Variants in DCUN1D5 observed in about 807,000 individuals in gnomAD.
The protein encoded by DCUN1D5 is defective in cullin neddylation 1 domain containing 5.
Under a neutral mutation model 38.3 loss-of-function variants are expected in DCUN1D5, and 10 were observed. The observed-to-expected ratio is 0.26, with a 90% CI of 0.16 to 0.44. The LOEUF (loss-of-function observed/expected upper bound fraction) is 0.44, where lower values mean the gene tolerates loss of function less well. DCUN1D5 is among the 20% of genes least tolerant of loss of function. The probability of loss-of-function intolerance (pLI) is 1.00; values close to 1 mark genes in which losing one functional copy is unlikely to be tolerated. For missense variants in DCUN1D5, 148 were observed against 275.3 expected (o/e 0.54, Z 3.27); for synonymous variants, 93 against 90.9 (o/e 1.02, Z -0.13).
Position 103,064,311 on chromosome 11 carries a change from G to T in DCUN1D5, c.622C>A (p.His208Asn). Residue 208 changes from histidine (H) to asparagine (N), a missense_variant, in exon 7 of 8, where the codon CAT becomes AAT. His to Asn is a moderately conservative substitution (Grantham distance 68). Coordinates refer to ENST00000260247, the MANE Select transcript of DCUN1D5 (RefSeq NM_032299.4). The surrounding 1 kb of genome is among the most constrained non-coding windows in gnomAD (Gnocchi z 4.5). ...TCATCATAGTTACTAAGATCAGCAT[G>T]GACTGTTCTGCTGAATTCTAATACA... ...YNVLEFSRTV[H>N]ADLSNYDEDG... The T allele has an allele frequency of 6.2e-7, 1 of 1,611,216 alleles. No individual in the cohort carries two copies.
Position 103,091,908 on chromosome 11 carries a change from G to C in DCUN1D5, c.-36C>G, listed in dbSNP as rs771616253. 6.3e-7 allele frequency: 1 copy of C among 1,585,742 alleles called. No homozygotes were observed. The highest frequency in any genetic ancestry group is 1.3e-5 in the African/African-American group (1 of 74,204). On this transcript the variant is annotated 5_prime_UTR_variant, in exon 1 of 8. Transcript: ENST00000260247. The surrounding 1 kb of genome is among the most constrained non-coding windows in gnomAD (Gnocchi z 4.3). ...CCCCGGCAGGGTGGGCAGGGGAGCC[G>C]GGGAAGGGGGTCCCTGTCCGCTGGA...
rs1862121725 is a variant in DCUN1D5 at position 103,065,862 on chromosome 11, T to G, written c.555+407A>C. 6.6e-6 allele frequency among the ~76,000 whole-genome samples: 1 copy of G among 152,162 alleles called. No homozygotes were observed. Reference sequence around the variant, plus strand: ...TGAGCCTAAGTAGAAAAGGAAAGTTTTATTACTAAATTGGTTCTCTTATGT... The same window carrying G: ...TGAGCCTAAGTAGAAAAGGAAAGTTGTATTACTAAATTGGTTCTCTTATGT... On this transcript the variant is annotated intron_variant, in intron 6 of 7. Coordinates refer to ENST00000260247, the MANE Select transcript of DCUN1D5 (RefSeq NM_032299.4). This position sits in a 1 kb window ranked among gnomAD's most constrained non-coding sequence, Gnocchi z 4.6.
rs1443119641 is a variant in DCUN1D5, at chr11:103,063,291, A to T, written c.659-877T>A. On this transcript the variant is annotated intron_variant, in intron 7 of 7. Coordinates refer to ENST00000260247, the MANE Select transcript of DCUN1D5 (RefSeq NM_032299.4). This position sits in a 1 kb window ranked among gnomAD's most constrained non-coding sequence, Gnocchi z 4.6. ...AAGGTACAGTTTTGTCAGACTTTTT[A>T]AATTTTTCCAACAAATCTAAATGTT... is the stretch of plus-strand genomic sequence containing the variant. 2.0e-5 allele frequency among the ~76,000 whole-genome samples: 3 copies of T among 152,170 alleles called. No individual in the cohort carries two copies. The East Asian group carries it at 5.8e-4, about 29-fold the overall frequency.
rs892621035 is a variant in DCUN1D5, at chr11:103,054,774, A to C, written c.*7585T>G. 1 of 152,098 alleles carries C rather than the reference A, an allele frequency of 6.6e-6. No homozygotes were observed. Among genetic ancestry groups the C allele is most frequent in the Non-Finnish European group, 1.5e-5 (1 of 67,990 alleles). The allele number at this position is 152,098 out of a possible 1,614,324, so 9.4% of individuals were successfully genotyped here. ...TGAGTTTCCTTGGAAACTCCTTGGA[A>C]TATAAATATACATTTATATTCAAAT... On this transcript the variant is annotated 3_prime_UTR_variant, in exon 8 of 8. Coordinates refer to ENST00000260247, the MANE Select transcript of DCUN1D5 (RefSeq NM_032299.4).
At position 103,062,762 on chromosome 11, in the gene DCUN1D5, T is replaced by C. The variant is rs17099880; in HGVS notation, c.659-348A>G. 0.014 allele frequency among the ~76,000 whole-genome samples: 2,082 copies of C among 152,232 alleles called. 27 individuals are homozygous for C. The highest frequency in any genetic ancestry group is 0.047 in the African/African-American group (1,956 of 41,554). ...AAAAGTGTTGAAGGTAATATTTCTA[T>C]GTTGCCTCCCCAAGAAGTGTACAAG... On this transcript the variant is annotated intron_variant, in intron 7 of 7. Coordinates refer to ENST00000260247, the MANE Select transcript of DCUN1D5 (RefSeq NM_032299.4). The surrounding 1 kb of genome is among the most constrained non-coding windows in gnomAD (Gnocchi z 4.6).
rs753605552 is a variant in DCUN1D5 at position 103,056,870 on chromosome 11, C to T, written c.*5489G>A. 9.2e-5 allele frequency among the ~76,000 whole-genome samples: 14 copies of T among 152,134 alleles called. No homozygotes were observed. Among genetic ancestry groups the T allele is most frequent in the South Asian group, 6.2e-4 (3 of 4,824 alleles). Reference sequence around the variant, plus strand: ...ACCACTTCTTGTTCAAGTAACAAGACGCATTCATTTAACACCTACTAAGTG... The same window carrying T: ...ACCACTTCTTGTTCAAGTAACAAGATGCATTCATTTAACACCTACTAAGTG... On this transcript the variant is annotated 3_prime_UTR_variant, in exon 8 of 8. Coordinates refer to ENST00000260247, the MANE Select transcript of DCUN1D5 (RefSeq NM_032299.4). This position sits in a 1 kb window ranked among gnomAD's most constrained non-coding sequence, Gnocchi z 4.9.
intron 2 of DCUN1D5, 71 bp downstream of exon 2, chr11:103,089,154 ATT>A: frequency 6.9e-7 from 1 of 1,453,054 alleles, no homozygotes. Flanking sequence ...GTAACAGATA[ATT>A]TGTTAAATGA....
rs550854402 is a variant in DCUN1D5 at position 103,066,299 on chromosome 11, T to A, written c.525A>T (p.Pro175=). Reference sequence around the variant, plus strand: ...GGTACTGGTAAAATACTGAAAACAGTGGCCATGTCCTCCCAAGCAGAAGAG... The same window carrying A: ...GGTACTGGTAAAATACTGAAAACAGAGGCCATGTCCTCCCAAGCAGAAGAG... ...MLALLLGRTW[P]LFSVFYQYLE... is the part of the protein sequence containing the mutation. Residue 175 remains proline, a synonymous_variant, in exon 6 of 8, where the codon CCA becomes CCT. Transcript: ENST00000260247. This position sits in a 1 kb window ranked among gnomAD's most constrained non-coding sequence, Gnocchi z 4.7. The A allele has an allele frequency of 1.9e-6, 3 of 1,607,480 alleles. No individual in the cohort carries two copies. The South Asian group carries it at 3.4e-5, about 18-fold the overall frequency.
At chr11:103,072,748 C>T (rs868310950) in intron 4 of DCUN1D5, among the ~76,000 whole-genome samples, 11 of 61,918 alleles carry the variant, frequency 1.8e-4, no homozygotes, top group South Asian at 5.7e-4. Flanking sequence ...CATCACACAC[C>T]GGGGCCTGTC....
In DCUN1D5 at chr11:103,054,137, C is replaced by A. The variant is rs1861814593; in HGVS notation, c.*8222G>T. 6.6e-6 allele frequency: 1 copy of A among 152,060 alleles called. No individual in the cohort carries two copies. Among genetic ancestry groups the A allele is most frequent in the Non-Finnish European group, 1.5e-5 (1 of 67,974 alleles). 9.4% of individuals were successfully genotyped at this position (152,060 alleles called of 1,614,324 possible). On this transcript the variant is annotated 3_prime_UTR_variant, in exon 8 of 8. Transcript: ENST00000260247. ...ACTGACGTAAGCCAGATAGAGAGAACCTCCCAATTTCCACATCTATGTCTC... is the reference window on the plus strand; with the variant it reads ...ACTGACGTAAGCCAGATAGAGAGAAACTCCCAATTTCCACATCTATGTCTC...
chr11:103,084,149 C>T (rs1233061196), intron 2 of DCUN1D5, among the ~76,000 whole-genome samples: 1 of 152,142 alleles, frequency 6.6e-6, no homozygotes, highest in Non-Finnish European at 1.5e-5. Flanking sequence ...TCTTTTGTGA[C>T]TGGATAAGAA....
intron 4 of DCUN1D5, among the ~76,000 whole-genome samples, chr11:103,079,028 G>A (rs1862482761): frequency 6.6e-6 from 1 of 152,220 alleles, no homozygotes; most frequent in South Asian, 2.1e-4. Flanking sequence ...AGGCTGTATA[G>A]CAGGAGGCAA....
At position 103,083,934 on chromosome 11, in the gene DCUN1D5, AG is replaced by A. The variant is rs1398301516; in HGVS notation, c.179-609del. 6.6e-5 allele frequency among the ~76,000 whole-genome samples: 10 copies of A among 152,308 alleles called. No individual in the cohort carries two copies. The highest frequency in any genetic ancestry group is 6.5e-4 in the Admixed American group (10 of 15,304). On this transcript the variant is annotated intron_variant, in intron 2 of 7. Transcript: ENST00000260247. The surrounding 1 kb of genome is among the most constrained non-coding windows in gnomAD (Gnocchi z 4.4). ...CATCTTGGTTCTAAAACAGACAGCAAGCATTGATGTCACCTTAATGTAGAAA... is the reference window on the plus strand; with the variant it reads ...CATCTTGGTTCTAAAACAGACAGCAACATTGATGTCACCTTAATGTAGAAA...
rs931029836 is a variant in DCUN1D5, at chr11:103,084,676, G to A, written c.179-1350C>T. 1.8e-4 allele frequency among the ~76,000 whole-genome samples: 28 copies of A among 152,140 alleles called. 1 individual carries two copies. Among genetic ancestry groups the A allele is most frequent in the African/African-American group, 6.5e-4 (27 of 41,414 alleles). ...TATGTATTCTTATATATGATTGAAA[G>A]AAAACAAAAATCAGATTTGAAAATT... On this transcript the variant is annotated intron_variant, in intron 2 of 7. Transcript: ENST00000260247.
chr11:103,060,573 G>A lies in DCUN1D5; in HGVS notation c.*1786C>T, dbSNP rs761904661. On this transcript the variant is annotated 3_prime_UTR_variant, in exon 8 of 8. Coordinates refer to ENST00000260247, the MANE Select transcript of DCUN1D5 (RefSeq NM_032299.4). ...AAGGGTCCTGGTATCAATCTCCTGC[G>A]TATACCAAGGATGCCTGTGCTTTCA... Among the ~76,000 whole-genome samples the A allele has an allele frequency of 7.2e-5, 11 of 152,082 alleles. No homozygotes were observed. Among genetic ancestry groups the A allele is most frequent in the South Asian group, 2.1e-4 (1 of 4,814 alleles).
rs1565296659 is a variant in DCUN1D5, at chr11:103,091,771, T to TG, written c.86+15dup. 1 of 1,613,176 alleles carries TG rather than the reference T, an allele frequency of 6.2e-7. No homozygotes were observed. The highest frequency in any genetic ancestry group is 8.5e-7 in the Non-Finnish European group (1 of 1,179,600). ...GGAGGGAGGAGGGAAGCTTGAAGGG[T>TG]GGGGGGAGATGGTACCTGGAGATTT... On this transcript the variant is annotated intron_variant, in intron 1 of 7. Coordinates refer to ENST00000260247, the MANE Select transcript of DCUN1D5 (RefSeq NM_032299.4). This position sits in a 1 kb window ranked among gnomAD's most constrained non-coding sequence, Gnocchi z 4.3.
At chr11:103,074,373 C>T (rs930032705) in intron 4 of DCUN1D5, among the ~76,000 whole-genome samples, 1 of 152,134 alleles carries the variant, frequency 6.6e-6, no homozygotes, top group Non-Finnish European at 1.5e-5. Flanking sequence ...TACAAGTCAA[C>T]TACATTATCT....
intron 4 of DCUN1D5, among the ~76,000 whole-genome samples, chr11:103,072,341 G>GGGTGCAGCACCAAC (rs1862294152): frequency 1.3e-5 from 1 of 78,340 alleles, no homozygotes; most frequent in Admixed American, 1.1e-4. Context: ...TCTAGAACTA[G>GGGTGCAGCACCAAC]ATCTAGATCT....
At position 103,078,336 on chromosome 11, in the gene DCUN1D5, A is replaced by C. The variant is rs1862462232; in HGVS notation, c.341+4412T>G. 6.6e-6 allele frequency among the ~76,000 whole-genome samples: 1 copy of C among 152,174 alleles called. No homozygotes were observed. The highest frequency in any genetic ancestry group is 2.4e-5 in the African/African-American group (1 of 41,432). On this transcript the variant is annotated intron_variant, in intron 4 of 7. Coordinates refer to ENST00000260247, the MANE Select transcript of DCUN1D5 (RefSeq NM_032299.4). The surrounding 1 kb of genome is among the most constrained non-coding windows in gnomAD (Gnocchi z 4.6). The stretch of plus-strand genomic sequence containing the variant: ...CTCTAGTACACTATGCCAGAACAAA[A>C]ACTCGCCAAGTATCCTTGAAACCTC...
Sources: gnomAD v4.1 joint callset for allele counts (sites outside exome capture counted in the v4.1 genomes callset) on GRCh38, gnomAD v4.1.1 for gene constraint, Gnocchi (gnomAD v3.1) non-coding constraint, MANE v1.5 for transcripts, NCBI Gene and HGNC (gene_info 2026-07-23, HGNC 2026-07-21) for gene names.